Variants in BRSK1 observed in about 807,000 individuals in gnomAD.
BRSK1 encodes serine/threonine-protein kinase BRSK1.
Under a neutral mutation model 86.2 loss-of-function variants are expected in BRSK1, and 17 were observed. The ratio of observed to expected loss-of-function variants is 0.20; its 90% confidence interval spans 0.14 to 0.30. BRSK1 has a LOEUF of 0.30. Ranked by LOEUF, BRSK1 falls within the 10% of genes least tolerant of loss-of-function variation. The probability of loss-of-function intolerance (pLI) is 1.00; values close to 1 mark genes in which losing one functional copy is unlikely to be tolerated. For missense variants in BRSK1, 719 were observed against 1,071.9 expected, an observed-to-expected ratio of 0.67 and a Z score of 4.60; for synonymous variants, 464 against 440.1, an observed-to-expected ratio of 1.05 and a Z score of -0.68.
chr19:55,305,957 G>A (rs1432627104), intron 16 of BRSK1, among the ~76,000 whole-genome samples: 1 of 152,188 alleles, frequency 6.6e-6, no homozygotes, highest in African/African-American at 2.4e-5. Context: ...TATGGCTATG[G>A]GAAGCATTTG....
intron 1 of BRSK1, among the ~76,000 whole-genome samples, chr19:55,286,132 G>T (rs1244082781): frequency 1.5e-5 from 2 of 130,764 alleles, no homozygotes; most frequent in African/African-American, 3.0e-5. Context: ...TGGAGTGCTG[G>T]GTCTGAGGGA....
Position 55,306,234 on chromosome 19 carries a change from T to TGTTC in BRSK1, c.1891-17_1891-14dup. ...CATTTCCTGGGCTCACCCCTTCCTG[T>TGTTC]GTTCCTACCTCGCTCAGATCCCCAG... On this transcript the variant is annotated splice_polypyrimidine_tract_variant and intron_variant, in intron 16 of 18. Transcript: ENST00000309383. The surrounding 1 kb of genome is among the most constrained non-coding windows in gnomAD (Gnocchi z 4.7). 2 of 1,613,048 alleles carry TGTTC rather than the reference T, an allele frequency of 1.2e-6. No homozygotes were observed. Among genetic ancestry groups the TGTTC allele is most frequent in the East Asian group, 4.5e-5 (2 of 44,856 alleles).
Position 55,287,401 on chromosome 19 carries a change from C to A in BRSK1, c.317+102C>A. ...GGCCTAGGGGGACCTGGGGGACCTG[C>A]AGCTCTCCAGGCTGGACCGCTGAAG... On this transcript the variant is annotated intron_variant, in intron 3 of 18. Transcript: ENST00000309383. This position sits in a 1 kb window ranked among gnomAD's most constrained non-coding sequence, Gnocchi z 5.3. 2 of 1,102,160 alleles carry A rather than the reference C, an allele frequency of 1.8e-6. No individual in the cohort carries two copies. Among genetic ancestry groups the A allele is most frequent in the Non-Finnish European group, 2.7e-6 (2 of 736,146 alleles). The allele number at this position is 1,102,160 out of a possible 1,614,324, so 68.3% of individuals were successfully genotyped here. A position where few individuals can be genotyped will look rare whatever the true frequency, so the allele number is the denominator to read the frequency against.
chr19:55,308,403 T>C (rs1477532588), intron 17 of BRSK1, among the ~76,000 whole-genome samples: 2 of 107,514 alleles, frequency 1.9e-5, no homozygotes, highest in Non-Finnish European at 3.6e-5. Flanking sequence ...TCTATTTGAA[T>C]AGAAACCAAC....
At position 55,287,068 on chromosome 19, in the gene BRSK1, C is replaced by T. The variant is rs1450508937; in HGVS notation, c.198C>T (p.Asn66=). 6.2e-7 allele frequency: 1 copy of T among 1,613,782 alleles called. No individual in the cohort carries two copies. Among genetic ancestry groups the T allele is most frequent in the Admixed American group, 1.7e-5 (1 of 59,982 alleles). ...AGAAGGTCGCCATCAAGATCGTGAACCGGGAGAAGCTGTCGGAGTCGGTGC... is the reference window on the plus strand; with the variant it reads ...AGAAGGTCGCCATCAAGATCGTGAATCGGGAGAAGCTGTCGGAGTCGGTGC... ...TGQKVAIKIV[N]REKLSESVLM... is the part of the protein sequence containing the mutation. Residue 66 remains asparagine (N), a synonymous_variant, in exon 2 of 19, where the codon AAC becomes AAT. Transcript: ENST00000309383. The surrounding 1 kb of genome is among the most constrained non-coding windows in gnomAD (Gnocchi z 5.3).
In BRSK1 at chr19:55,294,275, G is replaced by C. The variant is rs375079381; in HGVS notation, c.609+28G>C. ...GAGTGAGGGGCGGATAGAGGGGAGAGGGGTGGAGGCAGCAGTGAGGAGCGA... is the reference window on the plus strand; with the variant it reads ...GAGTGAGGGGCGGATAGAGGGGAGACGGGTGGAGGCAGCAGTGAGGAGCGA... On this transcript the variant is annotated intron_variant, in intron 6 of 18. Coordinates refer to ENST00000309383, the MANE Select transcript of BRSK1 (RefSeq NM_032430.2). This position sits in a 1 kb window ranked among gnomAD's most constrained non-coding sequence, Gnocchi z 4.9. 2.1e-5 allele frequency: 34 copies of C among 1,614,038 alleles called. No individual in the cohort carries two copies. Among genetic ancestry groups the C allele is most frequent in the Admixed American group, 3.3e-5 (2 of 59,992 alleles).
In BRSK1 at chr19:55,302,062, C is replaced by A. The variant is rs1339013381; in HGVS notation, c.826-75C>A. ...GAGATGATCAGGGACCCCAAAACCA[C>A]CCCAGTCTTTCATTGCGCGCCTACA... On this transcript the variant is annotated intron_variant, in intron 8 of 18. Coordinates refer to ENST00000309383, the MANE Select transcript of BRSK1 (RefSeq NM_032430.2). The surrounding 1 kb of genome is among the most constrained non-coding windows in gnomAD (Gnocchi z 6.3). 23 of 1,562,890 alleles carry A rather than the reference C, an allele frequency of 1.5e-5. No individual in the cohort carries two copies. Among genetic ancestry groups the A allele is most frequent in the Non-Finnish European group, 1.7e-5 (19 of 1,133,688 alleles).
intron 4 of BRSK1, among the ~76,000 whole-genome samples, chr19:55,292,088 G>A (rs1202910556): frequency 6.6e-6 from 1 of 152,042 alleles, no homozygotes; most frequent in Admixed American, 6.6e-5. Context: ...CCTTCCTGTT[G>A]ACAAGATTGT....
chr19:55,303,406 T>A lies in BRSK1; in HGVS notation c.1124T>A (p.Val375Asp). ...CAGGACCTGCCTCCCCGGAATGATG[T>A]TGGTGAGAAGGCAGGGCTAGGGGAC... Reference protein sequence around the residue: ...EDQDLPPRNDVDPPRKRVDSP... With the variant: ...EDQDLPPRNDDDPPRKRVDSP... The change falls in exon 11 of 19, where the codon GTT (valine) becomes GAT (aspartate). Residue 375 changes from valine (V) to aspartate (D), a missense_variant and splice_region_variant. Around this residue, in one of 6 missense-constraint regions of BRSK1, gnomAD observed 168 missense variants for 246.3 expected, o/e 0.68. Coordinates refer to ENST00000309383, the MANE Select transcript of BRSK1 (RefSeq NM_032430.2). The surrounding 1 kb of genome is among the most constrained non-coding windows in gnomAD (Gnocchi z 5.1). 2 of 1,613,578 alleles carry A rather than the reference T, an allele frequency of 1.2e-6. No homozygotes were observed. Among genetic ancestry groups the A allele is most frequent in the Non-Finnish European group, 1.7e-6 (2 of 1,179,678 alleles).
Position 55,304,710 on chromosome 19 carries a change from C to A in BRSK1, c.1507C>A (p.Pro503Thr). 6.7e-7 allele frequency: 1 copy of A among 1,498,468 alleles called. No homozygotes were observed. Among genetic ancestry groups the A allele is most frequent in the Non-Finnish European group, 8.8e-7 (1 of 1,130,098 alleles). The allele number at this position is 1,498,468 out of a possible 1,614,324, so 92.8% of individuals were successfully genotyped here. ...CCCCAGTGCCCGCTCCACACCCCTG[C>A]CCGGCCCCCCAGGCTCCCCGCGCTC... ...PPPSARSTPL[P>T]GPPGSPRSSG... Residue 503 changes from proline (P) to threonine (T), a missense_variant, in exon 14 of 19, where the codon CCC becomes ACC. By Grantham distance (38) the Pro-to-Thr change is conservative. Transcript: ENST00000309383. This position sits in a 1 kb window ranked among gnomAD's most constrained non-coding sequence, Gnocchi z 5.2.
intron 16 of BRSK1, 27 bp downstream of exon 16, chr19:55,305,613 C>T: frequency 6.2e-7 from 1 of 1,613,398 alleles, no homozygotes; most frequent in Non-Finnish European, 8.5e-7. Context: ...CCCATCGAGC[C>T]TGGCCCCCGC....
At chr19:55,308,971 G>A (rs755789900) in intron 18 of BRSK1, among the ~76,000 whole-genome samples, 1 of 152,098 alleles carries the variant, frequency 6.6e-6, no homozygotes, top group African/African-American at 2.4e-5. Flanking sequence ...CAGGTTCCCC[G>A]AGAGGCTGGG....
At chr19:55,291,526 A>G (rs755646074) in intron 4 of BRSK1, among the ~76,000 whole-genome samples, 20 of 152,326 alleles carry the variant, frequency 1.3e-4, no homozygotes, top group Admixed American at 2.6e-4. Context: ...AAAAAAGAAA[A>G]GTTATTATTT....
chr19:55,291,792 G>A (rs368487042), intron 4 of BRSK1, among the ~76,000 whole-genome samples: 8 of 152,178 alleles, frequency 5.3e-5, no homozygotes, highest in Admixed American at 2.0e-4. Flanking sequence ...ACGGAGTCTC[G>A]CTGTCACCCA....
chr19:55,284,485 T>A lies in BRSK1; in HGVS notation c.43T>A (p.Tyr15Asn). The change falls in exon 1 of 19, where the codon TAC becomes AAC. Residue 15 changes from tyrosine to asparagine, a missense_variant. Tyr to Asn is a moderately radical substitution (Grantham distance 143). Around this residue, in one of 6 missense-constraint regions of BRSK1, gnomAD observed 71 missense variants for 92.6 expected, o/e 0.77. Transcript: ENST00000309383. Reference protein sequence around the residue: ...AKEGGGGSPAYHLPHPHPHPP... With the variant: ...AKEGGGGSPANHLPHPHPHPP... ...GGAGGGAGGTGGGGGCTCTCCCGCC[T>A]ACCACCTCCCCCACCCCCACCCCCA... The A allele has an allele frequency of 2.3e-6, 3 of 1,279,676 alleles. No individual in the cohort carries two copies. Among genetic ancestry groups the A allele is most frequent in the Non-Finnish European group, 1.0e-6 (1 of 973,896 alleles). The allele number at this position is 1,279,676 out of a possible 1,614,324, so 79.3% of individuals were successfully genotyped here. A position where few individuals can be genotyped will look rare whatever the true frequency, so the allele number is the denominator to read the frequency against.
In BRSK1 at chr19:55,294,214, G is replaced by T. The variant is rs751045755; in HGVS notation, c.576G>T (p.Gly192=). Residue 192 remains glycine (G), a splice_region_variant and synonymous_variant, in exon 6 of 19, where the codon GGG becomes GGT. Transcript: ENST00000309383. This position sits in a 1 kb window ranked among gnomAD's most constrained non-coding sequence, Gnocchi z 4.9. ...GGCTCACATCAGCTCTCTCCCTCAG[G>T]TCCCCCCATTATGCGTGTCCAGAGG... is the stretch of plus-strand genomic sequence containing the variant. ...VGDSLLETSC[G]SPHYACPEVI... 3.7e-6 allele frequency: 6 copies of T among 1,613,748 alleles called. No homozygotes were observed. The highest frequency in any genetic ancestry group is 5.1e-6 in the Non-Finnish European group (6 of 1,179,810).
chr19:55,302,609 A>G lies in BRSK1; in HGVS notation c.858-88A>G. ...AGAAGGGGCCGGGGCCTAGACTCGG[A>G]TTTCGGGGTCCGGGATCATTGAGTC... On this transcript the variant is annotated intron_variant, in intron 9 of 18. Transcript: ENST00000309383. This position sits in a 1 kb window ranked among gnomAD's most constrained non-coding sequence, Gnocchi z 6.3. The G allele has an allele frequency of 6.7e-7, 1 of 1,500,016 alleles. No individual in the cohort carries two copies. The highest frequency in any genetic ancestry group is 9.0e-7 in the Non-Finnish European group (1 of 1,109,800). 92.9% of individuals were successfully genotyped at this position (1,500,016 alleles called of 1,614,324 possible). A position where few individuals can be genotyped will look rare whatever the true frequency, so the allele number is the denominator to read the frequency against.
intron 18 of BRSK1, among the ~76,000 whole-genome samples, chr19:55,311,007 C>G (rs2123012411): frequency 6.6e-6 from 1 of 152,268 alleles, no homozygotes; most frequent in South Asian, 2.1e-4. Context: ...GTCGCTCAGG[C>G]TGGAGTGCAG....
chr19:55,288,080 C>A (rs886722541), intron 3 of BRSK1: 1 of 152,852 alleles, frequency 6.5e-6, no homozygotes, highest in African/African-American at 2.4e-5. Context: ...GGGCTATTGT[C>A]CGGACCGGTG....
Sources: gnomAD v4.1 joint callset for allele counts (sites outside exome capture counted in the v4.1 genomes callset) on GRCh38, gnomAD v4.1.1 for gene constraint, gnomAD v4.1.1 regional missense constraint, Gnocchi (gnomAD v3.1) non-coding constraint, MANE v1.5 for transcripts, NCBI Gene and HGNC (gene_info 2026-07-23, HGNC 2026-07-21) for gene names.